The following PDE8B variants were observed in gnomAD, a reference collection of about 807,000 sequenced individuals.
The protein encoded by PDE8B is high affinity cAMP-specific and IBMX-insensitive 3',5'-cyclic phosphodiesterase 8B.
PDE8B carries 26 observed loss-of-function variants against 101.3 expected under a neutral mutation model. The ratio of observed to expected loss-of-function variants is 0.26; its 90% confidence interval spans 0.19 to 0.36. The LOEUF is 0.36. PDE8B is among the 10% of genes least tolerant of loss of function. The pLI is 1.00. For synonymous variants in PDE8B, 424 were observed against 429.3 expected (o/e 0.99, Z 0.15); for missense variants, 810 against 1,163.1 (o/e 0.70, Z 4.42).
intron 10 of PDE8B, among the ~76,000 whole-genome samples, chr5:77,399,168 C>T (rs1791706556): frequency 6.6e-6 from 1 of 152,190 alleles, no homozygotes. Flanking sequence ...TGCCTAAGGG[C>T]AGGATTTATG....
intron 1 of PDE8B, among the ~76,000 whole-genome samples, chr5:77,269,503 G>T (rs564580686): frequency 6.6e-6 from 1 of 152,182 alleles, no homozygotes; most frequent in African/African-American, 2.4e-5. Context: ...ATCCATTCTT[G>T]CTTTGTTGCC....
At chr5:77,233,639 C>A (rs1156289015) in intron 1 of PDE8B, among the ~76,000 whole-genome samples, 1 of 148,632 alleles carries the variant, frequency 6.7e-6, no homozygotes, top group Non-Finnish European at 1.5e-5. Flanking sequence ...TGACAGCCCC[C>A]AACCCCCTGA....
intron 1 of PDE8B, among the ~76,000 whole-genome samples, chr5:77,245,833 A>ACCCCCCCCCCCCCCCC (rs1561407118): frequency 4.2e-5 from 1 of 23,840 alleles, no homozygotes; most frequent in African/African-American, 2.5e-4. Context: ...CTCTCCTATA[A>ACCCCCCCCCCCCCCCC]CCTCCTCCCC....
At chr5:77,340,962 C>A (rs1779114228) in intron 6 of PDE8B, among the ~76,000 whole-genome samples, 1 of 152,148 alleles carries the variant, frequency 6.6e-6, no homozygotes, top group South Asian at 2.1e-4. Flanking sequence ...GTTCCCACAA[C>A]TAGGTTACTT....
chr5:77,425,632 A>C, intron 20 of PDE8B, 135 bp from the exon 21 acceptor site: 1 of 848,002 alleles, frequency 1.2e-6, no homozygotes, highest in South Asian at 1.4e-5. Flanking sequence ...AAGTCTGAGG[A>C]CCTTGCTGAG....
At chr5:77,366,338 C>G (rs1023134962) in intron 10 of PDE8B, among the ~76,000 whole-genome samples, 2 of 152,178 alleles carry the variant, frequency 1.3e-5, no homozygotes, top group African/African-American at 4.8e-5. Flanking sequence ...TCAGGAGATG[C>G]AGCAAACGGC....
chr5:77,413,335 T>G (rs1794916578), intron 17 of PDE8B, 26 bp downstream of exon 17: 1 of 1,582,770 alleles, frequency 6.3e-7, no homozygotes, highest in African/African-American at 1.3e-5. Flanking sequence ...CATGACCTAG[T>G]TACCTGCCTG....
chr5:77,311,560 T>G (rs1772621589), intron 1 of PDE8B, among the ~76,000 whole-genome samples: 1 of 152,210 alleles, frequency 6.6e-6, no homozygotes, highest in South Asian at 2.1e-4. Flanking sequence ...TGATTTAGCC[T>G]CAAGATTTGA....
At chr5:77,349,234 A>G (rs991887970) in intron 7 of PDE8B, among the ~76,000 whole-genome samples, 185 bp from the exon 8 acceptor site, 5 of 152,114 alleles carry the variant, frequency 3.3e-5, no homozygotes, top group Admixed American at 2.0e-4. Context: ...TCCTCCAGGA[A>G]GGGTTTGGGG....
At chr5:77,274,073 C>T (rs901924007) in intron 1 of PDE8B, among the ~76,000 whole-genome samples, 12 of 152,240 alleles carry the variant, frequency 7.9e-5, no homozygotes, top group Admixed American at 3.3e-4. Flanking sequence ...CTGCCTGCCT[C>T]GGCCTCCCAA....
chr5:77,179,864 G>A, the PDE8B span, among the ~76,000 whole-genome samples: 2 of 152,104 alleles, frequency 1.3e-5, no homozygotes, highest in African/African-American at 2.4e-5. Flanking sequence ...CCCAGGAGAT[G>A]TTATTTTCAC....
Position 77,364,913 on chromosome 5 carries a change from A to G in PDE8B, c.1167+11507A>G, listed in dbSNP as rs1257374003. The stretch of plus-strand genomic sequence containing the variant: ...GTAGAGGTTTGTGAGAAGGTTTCAG[A>G]TCACTGGAACTGTTGAAAAGAGTTT... On this transcript the variant is annotated intron_variant, in intron 10 of 21. Transcript: ENST00000264917. Among the ~76,000 whole-genome samples, 5 of 152,206 alleles carry G rather than the reference A, an allele frequency of 3.3e-5. No individual in the cohort carries two copies. In the East Asian group the frequency reaches 7.7e-4, roughly 23 times the overall value.
chr5:77,323,697 G>T (rs946809282), intron 2 of PDE8B, among the ~76,000 whole-genome samples: 2 of 152,158 alleles, frequency 1.3e-5, no homozygotes, highest in Non-Finnish European at 2.9e-5. Flanking sequence ...TGTGGCTCAT[G>T]CTTGTGATCC....
intron 1 of PDE8B, among the ~76,000 whole-genome samples, chr5:77,218,868 C>T (rs887746526): frequency 3.3e-5 from 5 of 152,132 alleles, no homozygotes; most frequent in African/African-American, 7.2e-5. Context: ...ATTTTTGAAA[C>T]ATGTAATTTT....
intron 1 of PDE8B, among the ~76,000 whole-genome samples, chr5:77,297,231 C>T (rs568031378): frequency 1.1e-4 from 17 of 152,334 alleles, no homozygotes; most frequent in Admixed American, 3.3e-4. Flanking sequence ...GCCCCATGAC[C>T]TAATCACGTC....
chr5:77,427,834 TTTTC>T lies in PDE8B; in HGVS notation c.*1286_*1289del, dbSNP rs929238960. On this transcript the variant is annotated 3_prime_UTR_variant, in exon 22 of 22. Coordinates refer to ENST00000264917, the MANE Select transcript of PDE8B (RefSeq NM_003719.5). ...ATTAGACTCCGTAAACAAACTTCAT[TTTTC>T]TTTCTCTGTACTTCATGCTGCATTT... The T allele has an allele frequency of 4.6e-5, 7 of 152,184 alleles. No homozygotes were observed. Among genetic ancestry groups the T allele is most frequent in the Non-Finnish European group, 8.8e-5 (6 of 68,026 alleles). The allele number at this position is 152,184 out of a possible 1,614,324, so 9.4% of individuals were successfully genotyped here.
chr5:77,197,155 C>T, the PDE8B span, among the ~76,000 whole-genome samples: 4 of 144,974 alleles, frequency 2.8e-5, no homozygotes, highest in African/African-American at 1.0e-4. Flanking sequence ...CTCTGTTGCC[C>T]AGGCTGGAGG....
intron 3 of PDE8B, among the ~76,000 whole-genome samples, chr5:77,327,080 C>A (rs989366848): frequency 6.6e-6 from 1 of 152,198 alleles, no homozygotes; most frequent in African/African-American, 2.4e-5. Context: ...CAGTGTGTTT[C>A]CTGACCATTA....
the PDE8B span, among the ~76,000 whole-genome samples, chr5:77,097,841 C>T: frequency 6.8e-6 from 1 of 147,946 alleles, no homozygotes; most frequent in Non-Finnish European, 1.5e-5. Flanking sequence ...TACTACAGCA[C>T]ACCAAGGGTT....
Sources: gnomAD v4.1 joint callset for allele counts (sites outside exome capture counted in the v4.1 genomes callset) on GRCh38, gnomAD v4.1.1 for gene constraint, MANE v1.5 for transcripts, NCBI Gene and HGNC (gene_info 2026-07-23, HGNC 2026-07-21) for gene names.